The following KANK1 variants were observed in gnomAD, a reference collection of about 807,000 sequenced individuals.
The protein encoded by KANK1 is KN motif and ankyrin repeat domains 1.
Under a neutral mutation model 106.2 loss-of-function variants are expected in KANK1, and 109 were observed. The observed-to-expected ratio is 1.03, with a 90% CI of 0.88 to 1.20. KANK1 has a LOEUF of 1.20. Among genes scored for constraint, KANK1 ranks in the 50% most tolerant of loss-of-function variants. The pLI, the probability that KANK1 is intolerant of heterozygous loss-of-function variation, is 0.00. For missense variants in KANK1, 2,399 were observed against 1,710.7 expected (o/e 1.40, Z -7.10); for synonymous variants, 873 against 652.2 (o/e 1.34, Z -5.16).
chr9:732,420 CTCT>C lies in KANK1; in HGVS notation c.3054_3056del (p.Ser1019del), dbSNP rs1235291155. 6.2e-7 allele frequency: 1 copy of C among 1,613,970 alleles called. No homozygotes were observed. Among genetic ancestry groups the C allele is most frequent in the African/African-American group, 1.3e-5 (1 of 74,910 alleles). ...GTGATGATTCCAGCTCAGATGAAAG[CTCT>C]TCTTCCGAGTCAGATGACGAGTGTG... On this transcript the variant is annotated inframe_deletion, in exon 6 of 12. Coordinates refer to ENST00000382297, the MANE Select transcript of KANK1 (RefSeq NM_015158.5).
chr9:711,887 T>G lies in KANK1; in HGVS notation c.1121T>G (p.Met374Arg), dbSNP rs1209826605. 13 of 1,614,106 alleles carry G rather than the reference T, an allele frequency of 8.1e-6. No individual in the cohort carries two copies. The highest frequency in any genetic ancestry group is 1.1e-5 in the Non-Finnish European group (13 of 1,180,024). ...IKEFRQLTAD[M>R]QALEQKIQDS... The stretch of plus-strand genomic sequence containing the variant: ...GAGTTCCGGCAACTTACAGCAGACA[T>G]GCAAGCCCTGGAGCAGAAGATCCAG... The change falls in exon 3 of 12, where the codon ATG (methionine) becomes AGG (arginine). Residue 374 changes from methionine (M) to arginine (R), a missense_variant. By Grantham distance (91) the Met-to-Arg change is moderately conservative. Transcript: ENST00000382297.
chr9:672,281 G>T (rs111867575), intron 1 of KANK1, among the ~76,000 whole-genome samples: 36 of 152,270 alleles, frequency 2.4e-4, no homozygotes, highest in African/African-American at 7.7e-4. Flanking sequence ...GGGTTGTTGT[G>T]AAGTTTAAAC....
At chr9:576,531 T>C (rs1328515965) in intron 1 of KANK1, among the ~76,000 whole-genome samples, 1 of 152,238 alleles carries the variant, frequency 6.6e-6, no homozygotes, top group Non-Finnish European at 1.5e-5. Flanking sequence ...GGGTACTTCA[T>C]CATTTTCTAG....
At chr9:592,015 C>G (rs890866363) in intron 1 of KANK1, among the ~76,000 whole-genome samples, 1 of 151,728 alleles carries the variant, frequency 6.6e-6, no homozygotes. Flanking sequence ...CAGCCTGTAA[C>G]ACCATAGGGG....
In KANK1 at chr9:738,325, T is replaced by C. The variant is rs759097146; in HGVS notation, c.3374T>C (p.Val1125Ala). 1.4e-5 allele frequency: 22 copies of C among 1,613,988 alleles called. No individual in the cohort carries two copies. In the Middle Eastern group the frequency reaches 6.6e-4, roughly 48 times the overall value. ...ACCCTCCAGCACGAGTGGTTCCGCG[T>C]GTCCAGTCAGAAGTCAGCCATTCCA... ...LNTLQHEWFR[V>A]SSQKSAIPAM... Residue 1125 changes from valine to alanine, a missense_variant, in exon 8 of 12, where the codon GTG becomes GCG. Val to Ala is a moderately conservative substitution (Grantham distance 64, BLOSUM62 0). Coordinates refer to ENST00000382297, the MANE Select transcript of KANK1 (RefSeq NM_015158.5).
intron 1 of KANK1, among the ~76,000 whole-genome samples, chr9:619,381 G>A (rs10975435): frequency 0.38 from 57,103 of 152,076 alleles, 12,218 homozygotes; most frequent in South Asian, 0.56. Context: ...GGGACAGGCT[G>A]ATGTGAGAGC....
chr9:728,287 C>G (rs770577202), intron 3 of KANK1, among the ~76,000 whole-genome samples: 1 of 149,434 alleles, frequency 6.7e-6, no homozygotes, highest in East Asian at 2.0e-4. Context: ...CAACCTCCAC[C>G]TCCGGGTTCG....
chr9:713,324 G>C lies in KANK1; in HGVS notation c.2558G>C (p.Gly853Ala). The C allele has an allele frequency of 1.2e-6, 2 of 1,614,162 alleles. No homozygotes were observed. Among genetic ancestry groups the C allele is most frequent in the Non-Finnish European group, 1.7e-6 (2 of 1,180,036 alleles). ...ENYSELAEAF[G>A]EPHSQMGSLN... Reference sequence around the variant, plus strand: ...TACAGTGAACTGGCAGAAGCTTTCGGGGAACCTCACTCACAGATGGGCTCC... The same window carrying C: ...TACAGTGAACTGGCAGAAGCTTTCGCGGAACCTCACTCACAGATGGGCTCC... Residue 853 changes from glycine (G) to alanine (A), a missense_variant, in exon 3 of 12, where the codon GGG (glycine) becomes GCG (alanine). Coordinates refer to ENST00000382297, the MANE Select transcript of KANK1 (RefSeq NM_015158.5).
rs192888361 is a variant in KANK1, at chr9:606,485, G to A, written c.-83-70405G>A. Among the ~76,000 whole-genome samples the A allele has an allele frequency of 1.4e-3, 206 of 148,054 alleles. 34 individuals carry two copies. The highest frequency in any genetic ancestry group is 5.3e-3 in the African/African-American group (201 of 37,784). On this transcript the variant is annotated intron_variant, in intron 1 of 11. Transcript: ENST00000382297. ...ACAGGAGAATCACTTGAACCCAGGA[G>A]GTGGAGGTTGCAGTGAGCTGAGATC...
chr9:744,406 TG>T lies in KANK1; in HGVS notation c.3898-83del, dbSNP rs1836627963. On this transcript the variant is annotated intron_variant, in intron 10 of 11. Transcript: ENST00000382297. ...ATATTTGGGGAACCTTGCCAATTAT[TG>T]GAGGGTGTTTTGTTCTGTTACCTTT... is the stretch of plus-strand genomic sequence containing the variant. 2.1e-6 allele frequency: 3 copies of T among 1,460,898 alleles called. No individual in the cohort carries two copies. The African/African-American group carries it at 4.2e-5, about 21-fold the overall frequency. The allele number at this position is 1,460,898 out of a possible 1,614,324, so 90.5% of individuals were successfully genotyped here.
intron 1 of KANK1, among the ~76,000 whole-genome samples, chr9:537,200 C>T (rs966036641): frequency 4.6e-5 from 7 of 152,138 alleles, no homozygotes; most frequent in African/African-American, 1.2e-4. Flanking sequence ...AGCTAAGCTG[C>T]GTTGATGCTT....
At chr9:586,293 G>A (rs1460618719) in intron 1 of KANK1, among the ~76,000 whole-genome samples, 2 of 152,206 alleles carry the variant, frequency 1.3e-5, no homozygotes, top group East Asian at 3.8e-4. Flanking sequence ...TCAAGGGGAT[G>A]GGCCCAGGCC....
In KANK1 at chr9:710,904, C is replaced by G. The variant is rs1474029263; in HGVS notation, c.138C>G (p.Leu46=). 6.2e-7 allele frequency: 1 copy of G among 1,613,990 alleles called. No individual in the cohort carries two copies. Among genetic ancestry groups the G allele is most frequent in the Non-Finnish European group, 8.5e-7 (1 of 1,180,038 alleles). ...PYGYQLDLDF[L]KYVDDIQKGN... ...GTTATCAACTAGACTTAGATTTCCT[C>G]AAATATGTGGATGACATACAGAAGG... is the stretch of plus-strand genomic sequence containing the variant. The change falls in exon 3 of 12, where the codon CTC becomes CTG. Residue 46 remains leucine (L), a synonymous_variant. Coordinates refer to ENST00000382297, the MANE Select transcript of KANK1 (RefSeq NM_015158.5).
At chr9:688,961 G>A (rs1819215449) in intron 2 of KANK1, among the ~76,000 whole-genome samples, 1 of 152,198 alleles carries the variant, frequency 6.6e-6, no homozygotes, top group Non-Finnish European at 1.5e-5. Flanking sequence ...GGTCTCTACA[G>A]ACCTCACCTC....
In KANK1 at chr9:608,036, T is replaced by TATTA. The variant is rs907643816; in HGVS notation, c.-83-68854_-83-68853insATTA. On this transcript the variant is annotated intron_variant, in intron 1 of 11. Coordinates refer to ENST00000382297, the MANE Select transcript of KANK1 (RefSeq NM_015158.5). Reference sequence around the variant, plus strand: ...GAATTATTATTATTATTATTATTATTTTTTTTTTTTTTGAGACGGAGTCTC... The same window carrying TATTA: ...GAATTATTATTATTATTATTATTATTATTATTTTTTTTTTTTGAGACGGAGTCTC... Among the ~76,000 whole-genome samples, 156 of 134,732 alleles carry TATTA rather than the reference T, an allele frequency of 1.2e-3. 3 individuals are homozygous for TATTA. Among genetic ancestry groups the TATTA allele is most frequent in the South Asian group, 1.9e-3 (8 of 4,254 alleles). 88.4% of individuals were successfully genotyped at this position (134,732 alleles called of 152,430 possible).
intron 1 of KANK1, among the ~76,000 whole-genome samples, chr9:606,885 G>C (rs1829340261): frequency 1.3e-5 from 2 of 151,692 alleles, no homozygotes; most frequent in African/African-American, 2.4e-5. Flanking sequence ...CAAAGTCCCT[G>C]CTCTCAGAAG....
At chr9:586,780 A>G (rs971352221) in intron 1 of KANK1, among the ~76,000 whole-genome samples, 31 of 152,316 alleles carry the variant, frequency 2.0e-4, no homozygotes, top group African/African-American at 7.0e-4. Flanking sequence ...GAGAGTCACG[A>G]GAGCAAATAG....
intron 1 of KANK1, among the ~76,000 whole-genome samples, chr9:551,539 C>T (rs1171939322): frequency 6.6e-6 from 1 of 152,146 alleles, no homozygotes; most frequent in East Asian, 1.9e-4. Flanking sequence ...TACCTCTTAA[C>T]TCTGTGAAGT....
At chr9:516,599 A>G (rs569192876) in intron 1 of KANK1, among the ~76,000 whole-genome samples, 33 of 151,680 alleles carry the variant, frequency 2.2e-4, no homozygotes, top group African/African-American at 6.8e-4. Flanking sequence ...AAAATTGTTC[A>G]TAATGCTGGG....
Sources: allele counts gnomAD v4.1 joint callset (sites outside exome capture counted in the v4.1 genomes callset), GRCh38; gene constraint gnomAD v4.1.1; transcripts MANE v1.5; gene names NCBI Gene and HGNC (gene_info 2026-07-23, HGNC 2026-07-21).